The following ANO3 variants were observed in gnomAD, a reference collection of about 807,000 sequenced individuals.
The protein encoded by ANO3 is anoctamin 3.
In ANO3, 99 loss-of-function variants were observed where a neutral mutation model predicts 144.8. The observed-to-expected ratio is 0.68, with a 90% CI of 0.58 to 0.81. The LOEUF (loss-of-function observed/expected upper bound fraction) is 0.81, where lower values mean the gene tolerates loss of function less well. Among genes scored for constraint, ANO3 ranks in the 30% least tolerant of loss-of-function variants. The pLI is 0.00. For synonymous variants in ANO3, 414 were observed against 392.6 expected, an observed-to-expected ratio of 1.05 and a Z score of -0.64; for missense variants, 905 against 1,202.2, an observed-to-expected ratio of 0.75 and a Z score of 3.66.
At chr11:26,521,906 C>T (rs1338959867) in intron 6 of ANO3, among the ~76,000 whole-genome samples, 5 of 152,138 alleles carry the variant, frequency 3.3e-5, no homozygotes, top group Non-Finnish European at 5.9e-5. Flanking sequence ...TAAGAGCGGC[C>T]GGGCGCGGTG....
intron 1 of ANO3, among the ~76,000 whole-genome samples, chr11:26,436,006 T>C (rs1172899255): frequency 2.0e-5 from 3 of 152,114 alleles, no homozygotes; most frequent in Middle Eastern, 3.2e-3. Context: ...TTCTTTCTTA[T>C]GTGTGTGTGT....
intron 1 of ANO3, among the ~76,000 whole-genome samples, chr11:26,222,513 G>C (rs1852167382): frequency 6.6e-6 from 1 of 152,206 alleles, no homozygotes; most frequent in Admixed American, 6.5e-5. Context: ...ACTGGAAACT[G>C]TGTGTGGAGG....
At chr11:26,565,320 A>G (rs772708062) in intron 14 of ANO3, 1 of 1,611,106 alleles carries the variant, frequency 6.2e-7, no homozygotes, top group East Asian at 2.2e-5. Context: ...CAAGGGGGTC[A>G]CAGATGGAGA....
intron 1 of ANO3, among the ~76,000 whole-genome samples, chr11:26,300,777 C>T (rs572970725): frequency 2.0e-5 from 3 of 151,910 alleles, no homozygotes; most frequent in African/African-American, 4.8e-5. Context: ...TGCATAATAT[C>T]GCTCATATTC....
chr11:26,461,483 T>G (rs1389456), intron 3 of ANO3, among the ~76,000 whole-genome samples: 121,585 of 151,888 alleles, frequency 0.8, 49,160 homozygotes, highest in Admixed American at 0.88. Flanking sequence ...TTTCTCAAAT[T>G]CACTGACCAC....
intron 3 of ANO3, among the ~76,000 whole-genome samples, chr11:26,452,843 C>T (rs1450767749): frequency 6.6e-6 from 1 of 152,172 alleles, no homozygotes; most frequent in East Asian, 1.9e-4. Flanking sequence ...GGATGGGTTA[C>T]CTACAAAGGG....
intron 4 of ANO3, among the ~76,000 whole-genome samples, chr11:26,469,779 T>A (rs1859716582): frequency 1.3e-5 from 2 of 151,962 alleles, no homozygotes; most frequent in Non-Finnish European, 2.9e-5. Flanking sequence ...ATATTCTTAA[T>A]TCACACAGAT....
At chr11:26,572,544 C>A (rs1850869200) in intron 14 of ANO3, among the ~76,000 whole-genome samples, 1 of 152,062 alleles carries the variant, frequency 6.6e-6, no homozygotes, top group South Asian at 2.1e-4. Flanking sequence ...TCTATGCCAG[C>A]CGCACATTCT....
chr11:26,565,493 C>T, intron 14 of ANO3: 1 of 1,613,290 alleles, frequency 6.2e-7, no homozygotes, highest in Non-Finnish European at 8.5e-7. Context: ...TAGGTGCATT[C>T]CAAGGCACTT....
At position 26,441,990 on chromosome 11, in the gene ANO3, T is replaced by C; in HGVS notation, c.119T>C (p.Leu40Pro). 6.2e-7 allele frequency: 1 copy of C among 1,614,182 alleles called. No homozygotes were observed. Among genetic ancestry groups the C allele is most frequent in the South Asian group, 1.1e-5 (1 of 91,084 alleles). Residue 40 changes from leucine to proline, a missense_variant, in exon 2 of 27, where the codon CTC becomes CCC. Transcript: ENST00000256737. ...CCGTCTCGGAGATCCCTGCCTTGCC[T>C]CGCCCAGAGCTACGCTTACTCAAAG... is the stretch of plus-strand genomic sequence containing the variant. ...LKPSRRSLPC[L>P]AQSYAYSKSL...
At chr11:26,625,731 C>A (rs1852563279) in intron 18 of ANO3, among the ~76,000 whole-genome samples, 2 of 152,136 alleles carry the variant, frequency 1.3e-5, no homozygotes, top group African/African-American at 4.8e-5. Context: ...GTTACCCTCT[C>A]AAGCTGTCTC....
chr11:26,456,868 A>G (rs532871647), intron 3 of ANO3, among the ~76,000 whole-genome samples: 1 of 142,258 alleles, frequency 7.0e-6, no homozygotes, highest in Non-Finnish European at 1.5e-5. Context: ...AATGTGGCAC[A>G]TATACACCAT....
At chr11:26,299,813 C>A (rs1246588023) in intron 1 of ANO3, among the ~76,000 whole-genome samples, 1 of 152,110 alleles carries the variant, frequency 6.6e-6, no homozygotes, top group Admixed American at 6.6e-5. Context: ...GTTCGTTTAT[C>A]TAGACTATCA....
intron 1 of ANO3, among the ~76,000 whole-genome samples, chr11:26,316,501 A>G (rs1186506531): frequency 1.3e-5 from 2 of 152,230 alleles, no homozygotes; most frequent in African/African-American, 2.4e-5. Flanking sequence ...TCCATAAGCT[A>G]TTTTTAGTAA....
chr11:26,326,747 G>T (rs960813857), intron 1 of ANO3, among the ~76,000 whole-genome samples: 2 of 152,096 alleles, frequency 1.3e-5, no homozygotes, highest in African/African-American at 2.4e-5. Context: ...CACAGGCCTA[G>T]ACCAGTCAGG....
intron 1 of ANO3, among the ~76,000 whole-genome samples, chr11:26,416,016 T>G (rs1046933989): frequency 6.6e-6 from 1 of 152,124 alleles, no homozygotes; most frequent in African/African-American, 2.4e-5. Context: ...ATGATTATAC[T>G]TTTATGCATT....
chr11:26,276,586 C>CT (rs748594245), intron 1 of ANO3, among the ~76,000 whole-genome samples: 4 of 152,196 alleles, frequency 2.6e-5, no homozygotes, highest in Non-Finnish European at 5.9e-5. Flanking sequence ...AGGAGTTATA[C>CT]TTCAGCAGAT....
chr11:26,332,199 C>A lies in ANO3; in HGVS notation c.-77C>A. On this transcript the variant is annotated 5_prime_UTR_variant, in exon 1 of 27. Coordinates refer to ENST00000256737, the MANE Select transcript of ANO3 (RefSeq NM_031418.4). ...CTCGCTGAGGCTCCGGACCTTGGAG[C>A]GTCTAGAGTCTGGCTACTGTTCCTC... The A allele has an allele frequency of 1.2e-6, 2 of 1,613,176 alleles. No individual in the cohort carries two copies. Among genetic ancestry groups the A allele is most frequent in the Non-Finnish European group, 1.7e-6 (2 of 1,179,586 alleles).
intron 1 of ANO3, among the ~76,000 whole-genome samples, chr11:26,402,712 G>T (rs2133976049): frequency 6.6e-6 from 1 of 152,042 alleles, no homozygotes; most frequent in South Asian, 2.1e-4. Flanking sequence ...CTTTTGGAGG[G>T]TGGAGGTTGA....
Sources: gnomAD v4.1 joint callset for allele counts (sites outside exome capture counted in the v4.1 genomes callset) on GRCh38, gnomAD v4.1.1 for gene constraint, MANE v1.5 for transcripts, NCBI Gene and HGNC (gene_info 2026-07-23, HGNC 2026-07-21) for gene names.